Variants in CFTR observed in about 807,000 individuals in gnomAD.
CFTR encodes the protein CF transmembrane conductance regulator.
CFTR carries 181 observed loss-of-function variants against 171.6 expected under a neutral mutation model. The ratio of observed to expected loss-of-function variants is 1.05; its 90% confidence interval spans 0.93 to 1.19. The LOEUF (loss-of-function observed/expected upper bound fraction) is 1.19. CFTR is among the 50% of genes most tolerant of loss of function. CFTR has a pLI of 0.00. For synonymous variants in CFTR, 583 were observed against 608.0 expected (o/e 0.96, Z 0.60); for missense variants, 1,968 against 1,734.7 (o/e 1.13, Z -2.39).
At chr7:117,569,358 G>A (rs559289622) in intron 11 of CFTR, among the ~76,000 whole-genome samples, 5 of 152,228 alleles carry the variant, frequency 3.3e-5, no homozygotes, top group Admixed American at 1.3e-4. Context: ...AATGGTATCC[G>A]CTTTGGAGAG....
chr7:117,492,321 C>G (rs1798172328), intron 1 of CFTR, among the ~76,000 whole-genome samples: 1 of 151,704 alleles, frequency 6.6e-6, no homozygotes, highest in African/African-American at 2.4e-5. Flanking sequence ...ATTTGCATTG[C>G]ATTTACTATA....
chr7:117,498,849 T>C lies in CFTR; in HGVS notation c.54-5404T>C, dbSNP rs568827511. On this transcript the variant is annotated intron_variant, in intron 1 of 26. Coordinates refer to ENST00000003084, the MANE Select transcript of CFTR (RefSeq NM_000492.4). ...TTTTTTTTGGTTAGGACTATCCAGATTGTGTGGCCTATTTCAAACTCATGG... is the reference window on the plus strand; with the variant it reads ...TTTTTTTTGGTTAGGACTATCCAGACTGTGTGGCCTATTTCAAACTCATGG... Among the ~76,000 whole-genome samples, 13 of 151,206 alleles carry C rather than the reference T, an allele frequency of 8.6e-5. No individual in the cohort carries two copies. In the East Asian group the frequency reaches 2.3e-3, roughly 27 times the overall value.
chr7:117,659,214 C>T (rs1201660367), intron 24 of CFTR, among the ~76,000 whole-genome samples: 1 of 152,140 alleles, frequency 6.6e-6, no homozygotes, highest in Non-Finnish European at 1.5e-5. Flanking sequence ...TCACTTCTTT[C>T]CAAAAATCTG....
At chr7:117,547,873 C>T (rs1259853588) in intron 9 of CFTR, among the ~76,000 whole-genome samples, 1 of 152,146 alleles carries the variant, frequency 6.6e-6, no homozygotes, top group Non-Finnish European at 1.5e-5. Flanking sequence ...GATAGGTTCT[C>T]AGGCAGGTTA....
chr7:117,559,782 C>T, intron 11 of CFTR, 127 bp downstream of exon 11: 1 of 665,774 alleles, frequency 1.5e-6, no homozygotes. Flanking sequence ...GGGTAAGCTA[C>T]TGTGAATGGA....
intron 12 of CFTR, 31 bp from the exon 13 acceptor site, chr7:117,590,322 A>G (rs1225279333): frequency 1.3e-6 from 2 of 1,595,094 alleles, no homozygotes; most frequent in South Asian, 2.2e-5. Context: ...AATAGAGAGG[A>G]AATGTAATTT....
rs763930691 is a variant in CFTR, at chr7:117,592,306, T to A, written c.2139T>A (p.Ile713=). The A allele has an allele frequency of 3.1e-6, 5 of 1,614,062 alleles. No individual in the cohort carries two copies. The East Asian group carries it at 1.1e-4, about 36-fold the overall frequency. ...NPINSIRKFS[I]VQKTPLQMNG... ...TCAACTCTATACGAAAATTTTCCAT[T>A]GTGCAAAAGACTCCCTTACAAATGA... Residue 713 remains isoleucine, a synonymous_variant, in exon 14 of 27, where the codon ATT becomes ATA. Coordinates refer to ENST00000003084, the MANE Select transcript of CFTR (RefSeq NM_000492.4).
chr7:117,638,779 A>T (rs1238455273), intron 22 of CFTR, among the ~76,000 whole-genome samples: 1 of 145,482 alleles, frequency 6.9e-6, no homozygotes, highest in African/African-American at 2.8e-5. Flanking sequence ...TAAAAATAAA[A>T]AAATAAAATA....
chr7:117,509,942 T>C (rs1798488988), intron 3 of CFTR, among the ~76,000 whole-genome samples: 1 of 152,172 alleles, frequency 6.6e-6, no homozygotes, highest in Non-Finnish European at 1.5e-5. Flanking sequence ...TATTGGTCTT[T>C]ATGCCTCAGG....
intron 11 of CFTR, among the ~76,000 whole-genome samples, chr7:117,570,280 C>T (rs930062520): frequency 1.3e-5 from 2 of 151,804 alleles, no homozygotes; most frequent in African/African-American, 4.8e-5. Flanking sequence ...CTAACTTTCA[C>T]GTGCCATGTA....
chr7:117,603,246 C>T (rs1792252248), intron 16 of CFTR, among the ~76,000 whole-genome samples: 1 of 152,178 alleles, frequency 6.6e-6, no homozygotes, highest in Non-Finnish European at 1.5e-5. Context: ...GAATATAGTT[C>T]TGTTCAGTTT....
At position 117,540,243 on chromosome 7, in the gene CFTR, C is replaced by T. The variant is rs77409459; in HGVS notation, c.1013C>T (p.Thr338Ile). The change falls in exon 8 of 27, where the codon ACC becomes ATC. Residue 338 changes from threonine (T) to isoleucine (I), a missense_variant. By Grantham distance (89) the Thr-to-Ile change is moderately conservative. Coordinates refer to ENST00000003084, the MANE Select transcript of CFTR (RefSeq NM_000492.4). ...GGAATCATCCTCCGGAAAATATTCA[C>T]CACCATCTCATTCTGCATTGTTCTG... is the stretch of plus-strand genomic sequence containing the variant. ...IKGIILRKIF[T>I]TISFCIVLRM... The T allele has an allele frequency of 1.4e-5, 23 of 1,614,140 alleles. No homozygotes were observed. Among genetic ancestry groups the T allele is most frequent in the Non-Finnish European group, 1.9e-5 (23 of 1,179,994 alleles).
intron 24 of CFTR, among the ~76,000 whole-genome samples, chr7:117,656,878 G>T (rs1793191589): frequency 6.6e-6 from 1 of 152,106 alleles, no homozygotes; most frequent in Non-Finnish European, 1.5e-5. Flanking sequence ...AGTGGACCCT[G>T]CCAGGAGCTT....
chr7:117,488,074 C>T (rs1194684195), intron 1 of CFTR: 3 of 152,012 alleles, frequency 2.0e-5, no homozygotes, highest in Admixed American at 6.6e-5. Flanking sequence ...ATCACTTTTT[C>T]GACCAAAGAC....
chr7:117,652,312 T>C (rs1259280771), intron 23 of CFTR, among the ~76,000 whole-genome samples: 4 of 152,198 alleles, frequency 2.6e-5, no homozygotes, highest in South Asian at 2.1e-4. Context: ...ATCAGATAAG[T>C]AGAGTTGTGC....
intron 24 of CFTR, among the ~76,000 whole-genome samples, chr7:117,656,176 A>G (rs934789881): frequency 6.6e-6 from 1 of 152,190 alleles, no homozygotes; most frequent in African/African-American, 2.4e-5. Context: ...TATTCCCAGT[A>G]TAAATTATCA....
At chr7:117,615,463 G>A (rs1792471620) in intron 21 of CFTR, among the ~76,000 whole-genome samples, 1 of 151,804 alleles carries the variant, frequency 6.6e-6, no homozygotes, top group African/African-American at 2.4e-5. Context: ...CTCAAATTTA[G>A]CAGCATAACA....
intron 16 of CFTR, 134 bp from the exon 17 acceptor site, chr7:117,603,398 G>T: frequency 1.2e-6 from 1 of 845,050 alleles, no homozygotes; most frequent in Non-Finnish European, 1.9e-6. Flanking sequence ...GTATGATTTT[G>T]AGGTTAAGGG....
intron 11 of CFTR, among the ~76,000 whole-genome samples, chr7:117,568,854 A>G (rs1791643782): frequency 6.6e-6 from 1 of 152,178 alleles, no homozygotes; most frequent in Non-Finnish European, 1.5e-5. Context: ...GGACTTATTC[A>G]TCCTGCCTAA....
Sources: allele counts gnomAD v4.1 joint callset (sites outside exome capture counted in the v4.1 genomes callset), GRCh38; gene constraint gnomAD v4.1.1; transcripts MANE v1.5; gene names NCBI Gene and HGNC (gene_info 2026-07-23, HGNC 2026-07-21).